The following CTNNA3 variants were observed in gnomAD, a reference collection of about 807,000 sequenced individuals.
The protein encoded by CTNNA3 is catenin alpha-3.
In CTNNA3, 76 loss-of-function variants were observed where a neutral mutation model predicts 95.7. The ratio of observed to expected loss-of-function variants is 0.79; its 90% CI spans 0.66 to 0.96. The LOEUF (loss-of-function observed/expected upper bound fraction) is 0.96, where lower values mean the gene tolerates loss of function less well. Among genes scored for constraint, CTNNA3 ranks in the 40% least tolerant of loss-of-function variants. The pLI is 0.00. For missense variants in CTNNA3, 1,191 were observed against 1,089.8 expected (o/e 1.09, Z -1.31); for synonymous variants, 431 against 374.4 (o/e 1.15, Z -1.74).
intron 10 of CTNNA3, among the ~76,000 whole-genome samples, chr10:66,547,952 G>T (rs1343911880): frequency 2.0e-5 from 3 of 146,444 alleles, no homozygotes; most frequent in Non-Finnish European, 3.0e-5. Context: ...TTTCACTCTT[G>T]TTGCTCAGGC....
chr10:66,171,315 C>T (rs1449324125), intron 13 of CTNNA3, among the ~76,000 whole-genome samples: 2 of 151,524 alleles, frequency 1.3e-5, no homozygotes, highest in Non-Finnish European at 2.9e-5. Flanking sequence ...TGGCTCACAC[C>T]TGTAATCCCA....
intron 13 of CTNNA3, among the ~76,000 whole-genome samples, chr10:66,221,968 G>A (rs114951329): frequency 1.5e-3 from 229 of 152,254 alleles, no homozygotes; most frequent in African/African-American, 5.4e-3. Flanking sequence ...TCTAGCTTAA[G>A]TACAATTACA....
At chr10:67,435,871 T>A (rs1018086801) in intron 5 of CTNNA3, among the ~76,000 whole-genome samples, 4 of 152,056 alleles carry the variant, frequency 2.6e-5, no homozygotes, top group African/African-American at 9.7e-5. Flanking sequence ...AGGGGTAGAA[T>A]CAATACTGTG....
At chr10:67,106,530 G>C (rs79579706) in intron 7 of CTNNA3, among the ~76,000 whole-genome samples, 1 of 152,088 alleles carries the variant, frequency 6.6e-6, no homozygotes, top group African/African-American at 2.4e-5. Context: ...AGCATTTTAC[G>C]GGTGTTCATT....
At chr10:66,240,000 T>C (rs1354047044) in intron 13 of CTNNA3, among the ~76,000 whole-genome samples, 1 of 152,030 alleles carries the variant, frequency 6.6e-6, no homozygotes, top group African/African-American at 2.4e-5. Flanking sequence ...ATAGATATAA[T>C]AATCTAGAGC....
chr10:65,918,909 T>C lies in CTNNA3; in HGVS notation c.*1421A>G, dbSNP rs145516718. On this transcript the variant is annotated 3_prime_UTR_variant, in exon 18 of 18. Transcript: ENST00000433211. ...GTTCTCCTAATATCAACTGGTATTG[T>C]ATGTGTAAATTTTTTTCTCATCAAT... 6.6e-6 allele frequency: 1 copy of C among 152,178 alleles called. No individual in the cohort carries two copies. Among genetic ancestry groups the C allele is most frequent in the East Asian group, 1.9e-4 (1 of 5,200 alleles). The allele number at this position is 152,178 out of a possible 1,614,324, so 9.4% of individuals were successfully genotyped here.
intron 7 of CTNNA3, among the ~76,000 whole-genome samples, chr10:67,070,572 C>T (rs1230699762): frequency 6.6e-6 from 1 of 152,020 alleles, no homozygotes; most frequent in South Asian, 2.1e-4. Flanking sequence ...CATGGTGAAA[C>T]CCCATCTCTA....
At chr10:66,750,847 G>T (rs1460793362) in intron 9 of CTNNA3, among the ~76,000 whole-genome samples, 2 of 152,170 alleles carry the variant, frequency 1.3e-5, no homozygotes, top group Non-Finnish European at 2.9e-5. Context: ...CACAAATATG[G>T]AGTATCTCCA....
chr10:66,716,280 C>G (rs1272181568), intron 9 of CTNNA3, among the ~76,000 whole-genome samples: 1 of 152,014 alleles, frequency 6.6e-6, no homozygotes, highest in African/African-American at 2.4e-5. Context: ...TCAGCTCTAC[C>G]CAGGAAAACA....
intron 13 of CTNNA3, among the ~76,000 whole-genome samples, chr10:66,238,186 A>G (rs2089949963): frequency 6.6e-6 from 1 of 152,026 alleles, no homozygotes; most frequent in Non-Finnish European, 1.5e-5. Context: ...AAGTGATGAA[A>G]TTTAAATATC....
chr10:67,230,779 G>C (rs113235381), intron 5 of CTNNA3, among the ~76,000 whole-genome samples: 5,427 of 152,262 alleles, frequency 0.036, 204 homozygotes, highest in South Asian at 0.19. Flanking sequence ...CATCTCACTA[G>C]GGAATACCAG....
chr10:67,109,179 T>G (rs1858796104), intron 7 of CTNNA3, among the ~76,000 whole-genome samples: 1 of 152,184 alleles, frequency 6.6e-6, no homozygotes, highest in African/African-American at 2.4e-5. Flanking sequence ...AAGACTGATA[T>G]GAAAATGAAT....
chr10:67,255,791 T>C (rs1411406494), intron 5 of CTNNA3, among the ~76,000 whole-genome samples: 1 of 152,176 alleles, frequency 6.6e-6, no homozygotes, highest in Non-Finnish European at 1.5e-5. Flanking sequence ...TTTGTATACA[T>C]TTTCTCATTT....
intron 10 of CTNNA3, among the ~76,000 whole-genome samples, chr10:66,569,437 A>C (rs991699456): frequency 7.2e-5 from 11 of 152,214 alleles, no homozygotes; most frequent in Non-Finnish European, 1.3e-4. Flanking sequence ...CATAATATGC[A>C]ACAGATATAC....
At chr10:66,479,247 C>T (rs553058157) in intron 11 of CTNNA3, among the ~76,000 whole-genome samples, 32 of 151,908 alleles carry the variant, frequency 2.1e-4, no homozygotes, top group African/African-American at 7.7e-4. Flanking sequence ...TATCTATATT[C>T]ATATTGAAGT....
intron 1 of CTNNA3, among the ~76,000 whole-genome samples, chr10:67,669,624 T>A (rs1478775011): frequency 6.6e-6 from 1 of 152,236 alleles, no homozygotes; most frequent in Admixed American, 6.5e-5. Flanking sequence ...TAATTACTTA[T>A]AAAATTACAC....
At chr10:67,068,609 A>T (rs1209714153) in intron 7 of CTNNA3, among the ~76,000 whole-genome samples, 1 of 152,208 alleles carries the variant, frequency 6.6e-6, no homozygotes, top group African/African-American at 2.4e-5. Context: ...ATTATCAGAG[A>T]AAAAAAGACA....
chr10:66,451,180 T>C (rs1589270656), intron 11 of CTNNA3, among the ~76,000 whole-genome samples: 1 of 152,164 alleles, frequency 6.6e-6, no homozygotes, highest in Non-Finnish European at 1.5e-5. Context: ...ATTGCAATAA[T>C]GATTAATAGT....
At chr10:67,450,036 T>C (rs1165235375) in intron 5 of CTNNA3, among the ~76,000 whole-genome samples, 1 of 151,940 alleles carries the variant, frequency 6.6e-6, no homozygotes, top group African/African-American at 2.4e-5. Context: ...CCAACAAGCA[T>C]ATGAAAAAAA....
Sources: allele counts gnomAD v4.1 joint callset (sites outside exome capture counted in the v4.1 genomes callset), GRCh38; gene constraint gnomAD v4.1.1; transcripts MANE v1.5; gene names NCBI Gene and HGNC (gene_info 2026-07-23, HGNC 2026-07-21).